Variants in GULP1 observed in about 807,000 individuals in gnomAD.
The protein encoded by GULP1 is GULP PTB domain containing engulfment adaptor 1.
A neutral mutation model predicts 40.9 loss-of-function variants in GULP1; 19 were observed. The ratio of observed to expected loss-of-function variants is 0.46; its 90% CI spans 0.32 to 0.68. GULP1 has a LOEUF of 0.68. GULP1 is among the 30% of genes least tolerant of loss of function. The pLI is 0.03. For synonymous variants in GULP1, 119 were observed against 117.6 expected (o/e 1.01, Z -0.08); for missense variants, 312 against 362.2 (o/e 0.86, Z 1.12).
chr2:188,486,950 C>T (rs897400341), intron 4 of GULP1, among the ~76,000 whole-genome samples: 8 of 151,790 alleles, frequency 5.3e-5, no homozygotes, highest in African/African-American at 1.9e-4. Context: ...GCAGTTCAAG[C>T]TGAGTAGGAG....
chr2:188,449,635 G>A (rs73978237), intron 2 of GULP1, among the ~76,000 whole-genome samples: 70 of 152,240 alleles, frequency 4.6e-4, no homozygotes, highest in African/African-American at 1.7e-3. Flanking sequence ...AATTAAAATA[G>A]GCATTTCTAC....
At chr2:188,361,824 T>C (rs1463108992) in intron 1 of GULP1, among the ~76,000 whole-genome samples, 5 of 152,092 alleles carry the variant, frequency 3.3e-5, no homozygotes, top group African/African-American at 7.2e-5. Flanking sequence ...AAGAAGCACA[T>C]TTCTTTTAAT....
chr2:188,380,982 T>G (rs1429237391), intron 1 of GULP1, among the ~76,000 whole-genome samples: 1 of 152,136 alleles, frequency 6.6e-6, no homozygotes, highest in Non-Finnish European at 1.5e-5. Flanking sequence ...CGTCTTCAAA[T>G]TGTGTGAAAA....
At chr2:188,420,927 C>G (rs551116967) in intron 2 of GULP1, among the ~76,000 whole-genome samples, 1 of 152,006 alleles carries the variant, frequency 6.6e-6, no homozygotes, top group Admixed American at 6.6e-5. Context: ...GGGACCTGTC[C>G]CTATCTGTCT....
intron 1 of GULP1, among the ~76,000 whole-genome samples, chr2:188,351,106 A>G (rs1167345521): frequency 1.3e-5 from 2 of 152,156 alleles, no homozygotes; most frequent in Non-Finnish European, 2.9e-5. Flanking sequence ...GAATTTGACA[A>G]TTAGCTCTTA....
intron 4 of GULP1, among the ~76,000 whole-genome samples, chr2:188,520,942 A>G (rs2065702288): frequency 6.6e-6 from 1 of 152,182 alleles, no homozygotes; most frequent in Non-Finnish European, 1.5e-5. Context: ...TTTTTCAAGA[A>G]TGAAGGAAGG....
intron 7 of GULP1, chr2:188,542,240 G>C (rs1252136259): frequency 1.3e-5 from 2 of 152,046 alleles, no homozygotes; most frequent in Non-Finnish European, 2.9e-5. Flanking sequence ...TGCAATAAAG[G>C]AAAAACATGT....
intron 7 of GULP1, among the ~76,000 whole-genome samples, chr2:188,567,434 T>C (rs56891673): frequency 0.022 from 3,284 of 152,252 alleles, 107 homozygotes; most frequent in African/African-American, 0.074. Flanking sequence ...ATATATCCCA[T>C]ATCCCATGGA....
chr2:188,346,665 T>C (rs989141412), intron 1 of GULP1, among the ~76,000 whole-genome samples: 2 of 151,778 alleles, frequency 1.3e-5, no homozygotes, highest in Non-Finnish European at 1.5e-5. Context: ...GCTAATTTTT[T>C]GTATTTATCC....
rs1340367382 is a variant in GULP1 at position 188,310,625 on chromosome 2, T to C, written c.-172+18459T>C. 2.6e-5 allele frequency among the ~76,000 whole-genome samples: 4 copies of C among 152,112 alleles called. No individual in the cohort carries two copies. In the East Asian group the frequency reaches 5.8e-4, roughly 22 times the overall value. Reference sequence around the variant, plus strand: ...GGGACATTCAGGGAGAGGTGCTCTATAGTGAGTTGGATATACCATTTGGAA... The same window carrying C: ...GGGACATTCAGGGAGAGGTGCTCTACAGTGAGTTGGATATACCATTTGGAA... On this transcript the variant is annotated intron_variant, in intron 1 of 11. Coordinates refer to ENST00000409830, the MANE Select transcript of GULP1 (RefSeq NM_016315.4).
At chr2:188,571,418 T>A (rs543550815) in intron 9 of GULP1, among the ~76,000 whole-genome samples, 4 of 152,188 alleles carry the variant, frequency 2.6e-5, no homozygotes, top group African/African-American at 9.6e-5. Flanking sequence ...AAACTCACAT[T>A]TTTCCACCTC....
chr2:188,383,492 A>G (rs1174816338), intron 1 of GULP1, among the ~76,000 whole-genome samples: 3 of 152,218 alleles, frequency 2.0e-5, no homozygotes, highest in Admixed American at 6.5e-5. Context: ...TTAAAGAACT[A>G]TCACCAGGCT....
chr2:188,406,230 A>G (rs2053076010), intron 2 of GULP1, among the ~76,000 whole-genome samples: 1 of 152,162 alleles, frequency 6.6e-6, no homozygotes, highest in African/African-American at 2.4e-5. Context: ...ACAAACCTGT[A>G]CAGCATGTAC....
At chr2:188,342,901 T>C (rs1247078860) in intron 1 of GULP1, among the ~76,000 whole-genome samples, 1 of 152,178 alleles carries the variant, frequency 6.6e-6, no homozygotes, top group East Asian at 1.9e-4. Flanking sequence ...TCTAAGGGAC[T>C]CTAAATGGTA....
chr2:188,342,582 A>G (rs2043118886), intron 1 of GULP1, among the ~76,000 whole-genome samples: 1 of 152,170 alleles, frequency 6.6e-6, no homozygotes, highest in South Asian at 2.1e-4. Context: ...TTTTTAAACC[A>G]TACTATTTTG....
chr2:188,457,005 G>A (rs568057823), intron 2 of GULP1, among the ~76,000 whole-genome samples: 28 of 152,210 alleles, frequency 1.8e-4, no homozygotes, highest in African/African-American at 6.7e-4. Context: ...TAGTCCCTTG[G>A]TTTTGGTCAG....
intron 2 of GULP1, among the ~76,000 whole-genome samples, chr2:188,444,658 C>G (rs1038076441): frequency 1.3e-5 from 2 of 152,186 alleles, no homozygotes; most frequent in Non-Finnish European, 2.9e-5. Flanking sequence ...TTCCGATATT[C>G]TGTGTGCATT....
At chr2:188,424,170 A>T (rs746117572) in intron 2 of GULP1, among the ~76,000 whole-genome samples, 1 of 151,962 alleles carries the variant, frequency 6.6e-6, no homozygotes, top group Non-Finnish European at 1.5e-5. Context: ...AGATCTAGTA[A>T]CTAGTAACAA....
chr2:188,378,925 C>T (rs2048656564), intron 1 of GULP1, among the ~76,000 whole-genome samples: 1 of 152,120 alleles, frequency 6.6e-6, no homozygotes, highest in South Asian at 2.1e-4. Flanking sequence ...TAAATATTAT[C>T]TTTTAGTTTA....
Sources: allele counts gnomAD v4.1 joint callset (sites outside exome capture counted in the v4.1 genomes callset), GRCh38; gene constraint gnomAD v4.1.1; transcripts MANE v1.5; gene names NCBI Gene and HGNC (gene_info 2026-07-23, HGNC 2026-07-21).